TYW3: variants seen among roughly 807,000 people sequenced by gnomAD.
TYW3 encodes the protein tRNA-yW synthesizing protein 3 homolog.
In TYW3, 26 loss-of-function variants were observed where a neutral mutation model predicts 23.1. That is an observed-to-expected ratio of 1.13 (90% CI 0.83 to 1.56). The LOEUF (loss-of-function observed/expected upper bound fraction) is 1.56, where lower values mean the gene tolerates loss of function less well. Ranked by LOEUF, TYW3 falls within the 40% of genes most tolerant of loss-of-function variation. The probability of loss-of-function intolerance (pLI) is 0.00; values close to 1 mark genes in which losing one functional copy is unlikely to be tolerated. For synonymous variants in TYW3, 102 were observed against 105.7 expected (o/e 0.97, Z 0.21); for missense variants, 316 against 311.9 (o/e 1.01, Z -0.10).
chr1:74,750,412 A>G (rs910914135), intron 4 of TYW3: 8 of 152,170 alleles, frequency 5.3e-5, no homozygotes, highest in Non-Finnish European at 1.0e-4. Flanking sequence ...AAAAATACCA[A>G]AATTAGCCAG....
At chr1:74,744,592 T>TTGTCCCATCTGGGTCGCCAAAATG (rs932562328) in intron 3 of TYW3, among the ~76,000 whole-genome samples, 2 of 152,172 alleles carry the variant, frequency 1.3e-5, no homozygotes, top group Admixed American at 1.3e-4. Context: ...CAATAGGCGA[T>TTGTCCCATCTGGGTCGCCAAAATG]TGTCCCATCT....
At chr1:74,744,535 A>G (rs1224335685) in intron 3 of TYW3, among the ~76,000 whole-genome samples, 1 of 152,206 alleles carries the variant, frequency 6.6e-6, no homozygotes, top group African/African-American at 2.4e-5. Context: ...AAGGAAAAAT[A>G]GGACAGAATA....
intron 5 of TYW3, among the ~76,000 whole-genome samples, chr1:74,762,116 A>T (rs935122644): frequency 1.3e-5 from 2 of 152,150 alleles, no homozygotes; most frequent in African/African-American, 4.8e-5. Flanking sequence ...GTTGTTTGCC[A>T]AGCACAGCAC....
At chr1:74,756,901 G>C (rs1184278713) in intron 5 of TYW3, among the ~76,000 whole-genome samples, 1 of 152,212 alleles carries the variant, frequency 6.6e-6, no homozygotes, top group Non-Finnish European at 1.5e-5. Flanking sequence ...GGTGCCCTGT[G>C]TCCCAGCCAC....
intron 4 of TYW3, among the ~76,000 whole-genome samples, chr1:74,749,286 T>C (rs1482876297): frequency 6.6e-6 from 1 of 152,242 alleles, no homozygotes; most frequent in Non-Finnish European, 1.5e-5. Flanking sequence ...GATCCCACTA[T>C]ACTCATTTGA....
chr1:74,752,319 G>A lies in TYW3; in HGVS notation c.454G>A (p.Val152Ile), dbSNP rs1321865588. 1.2e-6 allele frequency: 2 copies of A among 1,612,154 alleles called. No homozygotes were observed. The highest frequency in any genetic ancestry group is 1.7e-6 in the Non-Finnish European group (2 of 1,179,044). The change falls in exon 5 of 6, where the codon GTT (valine) becomes ATT (isoleucine). Residue 152 changes from valine to isoleucine, a missense_variant. Transcript: ENST00000370867. ...LAVRSTHGLE[V>I]PLSHKGKLMV... ...TGTCCGGAGTACACATGGCTTAGAA[G>A]TTCCATTAAGCCATAAGGGAAAACT...
intron 3 of TYW3, among the ~76,000 whole-genome samples, chr1:74,741,865 C>A (rs1648374507): frequency 6.6e-6 from 1 of 152,158 alleles, no homozygotes; most frequent in African/African-American, 2.4e-5. Flanking sequence ...TTTCATTTGC[C>A]TTCTCGACCT....
intron 3 of TYW3, among the ~76,000 whole-genome samples, chr1:74,747,961 G>A (rs1648646591): frequency 6.6e-6 from 1 of 151,820 alleles, no homozygotes; most frequent in Non-Finnish European, 1.5e-5. Context: ...TTTAAACCAG[G>A]GAATCTCAAA....
chr1:74,738,079 A>T (rs1041000487), intron 2 of TYW3, among the ~76,000 whole-genome samples: 1 of 151,550 alleles, frequency 6.6e-6, no homozygotes. Context: ...CAAAGTTAGG[A>T]GATAGCAAAA....
intron 2 of TYW3, among the ~76,000 whole-genome samples, chr1:74,737,566 C>T (rs1254679560): frequency 6.6e-6 from 1 of 152,142 alleles, no homozygotes; most frequent in Non-Finnish European, 1.5e-5. Flanking sequence ...GACAGCCCCA[C>T]CAGAAATCAA....
rs746673452 is a variant in TYW3, at chr1:74,733,425, C to T, written c.174+7C>T. The T allele has an allele frequency of 2.6e-5, 42 of 1,613,670 alleles. No individual in the cohort carries two copies. Among genetic ancestry groups the T allele is most frequent in the Non-Finnish European group, 3.2e-5 (38 of 1,179,804 alleles). ...CATCCTACTCCTTGACCGGGTGAGGCCCCTTTGCGCCTGTCCATCGCCTGC... is the reference window on the plus strand; with the variant it reads ...CATCCTACTCCTTGACCGGGTGAGGTCCCTTTGCGCCTGTCCATCGCCTGC... On this transcript the variant is annotated splice_region_variant and intron_variant, in intron 1 of 5. Transcript: ENST00000370867.
intron 3 of TYW3, among the ~76,000 whole-genome samples, chr1:74,741,669 C>G (rs1648367339): frequency 6.6e-6 from 1 of 152,126 alleles, no homozygotes; most frequent in African/African-American, 2.4e-5. Context: ...ATATTTTTGA[C>G]CAAGTTGGCC....
At chr1:74,738,084 G>T (rs542788254) in intron 2 of TYW3, among the ~76,000 whole-genome samples, 1 of 149,440 alleles carries the variant, frequency 6.7e-6, no homozygotes, top group South Asian at 2.1e-4. Context: ...TTAGGAGATA[G>T]CAAAAACAAA....
rs187021122 is a variant in TYW3, at chr1:74,761,911, A to G, written c.561-1983A>G. ...AAGCAGTCTCCGCTTGGGAGGAATG[A>G]TGGAAGATGGTGTCTACAGGGGAGC... On this transcript the variant is annotated intron_variant, in intron 5 of 5. Coordinates refer to ENST00000370867, the MANE Select transcript of TYW3 (RefSeq NM_138467.3). 1.2e-4 allele frequency among the ~76,000 whole-genome samples: 18 copies of G among 152,156 alleles called. No homozygotes were observed. The Middle Eastern group carries it at 0.01, about 86-fold the overall frequency.
At chr1:74,744,561 C>G (rs1648484412) in intron 3 of TYW3, among the ~76,000 whole-genome samples, 1 of 152,132 alleles carries the variant, frequency 6.6e-6, no homozygotes, top group Non-Finnish European at 1.5e-5. Context: ...CGAAAGCGGT[C>G]CAATGGTACT....
intron 5 of TYW3, among the ~76,000 whole-genome samples, chr1:74,754,437 G>A (rs1487107914): frequency 6.6e-6 from 1 of 152,148 alleles, no homozygotes; most frequent in Non-Finnish European, 1.5e-5. Context: ...TGTGAATTTA[G>A]AAAGTGAGAA....
intron 2 of TYW3, among the ~76,000 whole-genome samples, chr1:74,737,654 T>C (rs1019472920): frequency 4.6e-5 from 7 of 152,142 alleles, no homozygotes; most frequent in Admixed American, 3.3e-4. Context: ...AAATTCTAGC[T>C]CAGACACAAT....
chr1:74,738,474 A>G (rs1458739479), intron 2 of TYW3, among the ~76,000 whole-genome samples: 1 of 152,262 alleles, frequency 6.6e-6, no homozygotes, highest in Admixed American at 6.5e-5. Context: ...AAAGAATGGT[A>G]TAGAAGATTT....
Position 74,733,636 on chromosome 1 carries a change from C to T in TYW3, c.174+218C>T. On this transcript the variant is annotated intron_variant, in intron 1 of 5. Transcript: ENST00000370867. ...TGAGCATCTTTTAAAATACAGATCC[C>T]GATTCTTTAAGTGTAGGGTAGGGCC... 3 of 862,762 alleles carry T rather than the reference C, an allele frequency of 3.5e-6. No individual in the cohort carries two copies. The South Asian group carries it at 1.6e-4, about 47-fold the overall frequency. 53.4% of individuals were successfully genotyped at this position (862,762 alleles called of 1,614,324 possible). A position where few individuals can be genotyped will look rare whatever the true frequency, so the allele number is the denominator to read the frequency against.
Sources: gnomAD v4.1 joint callset for allele counts (sites outside exome capture counted in the v4.1 genomes callset) on GRCh38, gnomAD v4.1.1 for gene constraint, MANE v1.5 for transcripts, NCBI Gene and HGNC (gene_info 2026-07-23, HGNC 2026-07-21) for gene names.